The following SUFU variants were observed in gnomAD, a reference collection of about 807,000 sequenced individuals.
SUFU encodes the protein suppressor of fused homolog.
Under a neutral mutation model 58.9 loss-of-function variants are expected in SUFU, and 7 were observed. That is an observed-to-expected ratio of 0.12 (90% CI 0.07 to 0.22). SUFU has a LOEUF of 0.22. SUFU is among the 10% of genes least tolerant of loss of function. SUFU has a pLI of 1.00. For synonymous variants in SUFU, 232 were observed against 254.8 expected, an observed-to-expected ratio of 0.91 and a Z score of 0.85; for missense variants, 451 against 641.3, an observed-to-expected ratio of 0.70 and a Z score of 3.20.
intron 3 of SUFU, among the ~76,000 whole-genome samples, chr10:102,588,981 G>T (rs1265057150): frequency 6.6e-6 from 1 of 151,980 alleles, no homozygotes; most frequent in Admixed American, 6.6e-5. Context: ...GGAATGCAGT[G>T]ATGTGATCAT....
At position 102,619,118 on chromosome 10, in the gene SUFU, C is replaced by G. The variant is rs2063718023; in HGVS notation, c.1296+1690C>G. 9 of 1,612,672 alleles carry G rather than the reference C, an allele frequency of 5.6e-6. No homozygotes were observed. The East Asian group carries it at 1.8e-4, about 32-fold the overall frequency. On this transcript the variant is annotated intron_variant, in intron 10 of 11. Coordinates refer to ENST00000369902, the MANE Select transcript of SUFU (RefSeq NM_016169.4). The surrounding 1 kb of genome is among the most constrained non-coding windows in gnomAD (Gnocchi z 4.2). ...CTCCCGTCCTGGAACGTCTTTCTGCCCTGAGGAGAGGGTAGTCAGCATCTC... is the reference window on the plus strand; with the variant it reads ...CTCCCGTCCTGGAACGTCTTTCTGCGCTGAGGAGAGGGTAGTCAGCATCTC...
intron 2 of SUFU, among the ~76,000 whole-genome samples, chr10:102,540,346 A>G (rs2062784278): frequency 6.6e-6 from 1 of 152,112 alleles, no homozygotes; most frequent in African/African-American, 2.4e-5. Flanking sequence ...TGATACCTCC[A>G]ATTCTAAAGC....
At chr10:102,546,107 CTG>C (rs982212597) in intron 2 of SUFU, among the ~76,000 whole-genome samples, 2 of 152,196 alleles carry the variant, frequency 1.3e-5, no homozygotes, top group African/African-American at 2.4e-5. Context: ...GATGGTCAGG[CTG>C]TTGTGTGTCT....
chr10:102,620,412 C>T lies in SUFU; in HGVS notation c.1296+2984C>T, dbSNP rs185570602. On this transcript the variant is annotated intron_variant, in intron 10 of 11. Coordinates refer to ENST00000369902, the MANE Select transcript of SUFU (RefSeq NM_016169.4). ...CCACACCCACCTGCTCCACAGCCTT[C>T]CCCCATCAGTCCAGACCCAGGAGAG... is the stretch of plus-strand genomic sequence containing the variant. Among the ~76,000 whole-genome samples the T allele has an allele frequency of 8.0e-3, 1,213 of 152,318 alleles. 12 individuals are homozygous for T. The highest frequency in any genetic ancestry group is 0.014 in the South Asian group (66 of 4,830).
At chr10:102,542,194 G>A (rs1314093526) in intron 2 of SUFU, among the ~76,000 whole-genome samples, 18 of 148,906 alleles carry the variant, frequency 1.2e-4, no homozygotes, top group Admixed American at 4.1e-4. Context: ...GTGCAGTGGC[G>A]TGATCTCGGC....
intron 3 of SUFU, among the ~76,000 whole-genome samples, chr10:102,582,190 G>A (rs2063287281): frequency 1.3e-5 from 2 of 152,204 alleles, no homozygotes; most frequent in Admixed American, 6.5e-5. Flanking sequence ...CACAGACCAA[G>A]CATGTTAATT....
intron 1 of SUFU, among the ~76,000 whole-genome samples, chr10:102,507,319 G>A (rs2062339628): frequency 6.6e-6 from 1 of 152,170 alleles, no homozygotes; most frequent in South Asian, 2.1e-4. Flanking sequence ...AGGCTGTAGC[G>A]GGGCAGGTTT....
Position 102,617,460 on chromosome 10 carries a change from C to T in SUFU, c.1296+32C>T, listed in dbSNP as rs776063092. The T allele has an allele frequency of 8.1e-6, 13 of 1,613,996 alleles. No homozygotes were observed. The South Asian group carries it at 1.4e-4, about 18-fold the overall frequency. On this transcript the variant is annotated intron_variant, in intron 10 of 11. Coordinates refer to ENST00000369902, the MANE Select transcript of SUFU (RefSeq NM_016169.4). The surrounding 1 kb of genome is among the most constrained non-coding windows in gnomAD (Gnocchi z 4.4). ...AGGCCCTTTTTCTTCTCCCTCCTTC[C>T]TTTCATAGACTTCCTTGCCCACCCC...
rs1044185315 is a variant in SUFU, at chr10:102,633,086, G to C, written c.*2931G>C. On this transcript the variant is annotated 3_prime_UTR_variant, in exon 12 of 12. Transcript: ENST00000369902. ...GGGGTTTCGGATTGAGTTGCAAGCA[G>C]GGAGAAAACCTGAAGGTCGGTGCCC... 3.9e-5 allele frequency: 9 copies of C among 233,282 alleles called. No homozygotes were observed. Among genetic ancestry groups the C allele is most frequent in the African/African-American group, 1.8e-4 (8 of 45,356 alleles). The allele number at this position is 233,282 out of a possible 1,614,324, so 14.5% of individuals were successfully genotyped here.
chr10:102,532,160 G>A (rs1347178480), intron 2 of SUFU, among the ~76,000 whole-genome samples: 1 of 152,016 alleles, frequency 6.6e-6, no homozygotes, highest in Non-Finnish European at 1.5e-5. Context: ...TAGAAACAGG[G>A]TTTCACCATG....
intron 3 of SUFU, among the ~76,000 whole-genome samples, chr10:102,578,576 C>T (rs1477703493): frequency 7.9e-5 from 12 of 151,786 alleles, no homozygotes; most frequent in Non-Finnish European, 4.4e-5. Flanking sequence ...GTCATGGTGG[C>T]GCGTGCCTAT....
At chr10:102,504,445 A>T in intron 1 of SUFU, 111 bp downstream of exon 1, 1 of 1,531,926 alleles carries the variant, frequency 6.5e-7, no homozygotes, top group South Asian at 1.2e-5. Flanking sequence ...TGGTTAAAGC[A>T]CTCAGAAGGA....
At chr10:102,579,277 C>T (rs2135824632) in intron 3 of SUFU, among the ~76,000 whole-genome samples, 1 of 152,282 alleles carries the variant, frequency 6.6e-6, no homozygotes, top group South Asian at 2.1e-4. Context: ...GTGCCCTGCC[C>T]ATGTGGGCAC....
chr10:102,615,928 C>T (rs2063682341), intron 9 of SUFU, among the ~76,000 whole-genome samples: 1 of 151,712 alleles, frequency 6.6e-6, no homozygotes, highest in African/African-American at 2.4e-5. Flanking sequence ...AGAAGTATTC[C>T]TCAGCCCTGC....
chr10:102,510,896 G>T (rs1176638719), intron 2 of SUFU, among the ~76,000 whole-genome samples: 2 of 151,854 alleles, frequency 1.3e-5, no homozygotes, highest in African/African-American at 4.8e-5. Context: ...CGAGGCAGGC[G>T]GATCACCTGA....
rs1411675466 is a variant in SUFU, at chr10:102,619,074, C to T, written c.1296+1646C>T. 7 of 1,612,616 alleles carry T rather than the reference C, an allele frequency of 4.3e-6. No homozygotes were observed. The highest frequency in any genetic ancestry group is 5.9e-6 in the Non-Finnish European group (7 of 1,179,854). ...ATGTTTGACATCCTCAGCTCTGAAC[C>T]TATCCTCGGAGCTCTGCCCTCCCGT... On this transcript the variant is annotated intron_variant, in intron 10 of 11. Transcript: ENST00000369902. The surrounding 1 kb of genome is among the most constrained non-coding windows in gnomAD (Gnocchi z 4.2).
intron 3 of SUFU, among the ~76,000 whole-genome samples, chr10:102,551,524 G>A (rs2062914748): frequency 6.6e-6 from 1 of 151,726 alleles, no homozygotes; most frequent in Non-Finnish European, 1.5e-5. Context: ...TGTAATCCCA[G>A]CTACTCGGGA....
At chr10:102,587,258 A>C (rs773876675) in intron 3 of SUFU, among the ~76,000 whole-genome samples, 5 of 152,172 alleles carry the variant, frequency 3.3e-5, no homozygotes, top group Non-Finnish European at 5.9e-5. Context: ...TTCTGTGTTT[A>C]AATTTTTTTT....
intron 8 of SUFU, among the ~76,000 whole-genome samples, chr10:102,612,926 G>A (rs779013021): frequency 5.9e-5 from 9 of 152,164 alleles, no homozygotes; most frequent in Admixed American, 2.6e-4. Context: ...GAGGGTTGGC[G>A]CAGAGTAAGG....
Sources: gnomAD v4.1 joint callset for allele counts (sites outside exome capture counted in the v4.1 genomes callset) on GRCh38, gnomAD v4.1.1 for gene constraint, Gnocchi (gnomAD v3.1) non-coding constraint, MANE v1.5 for transcripts, NCBI Gene and HGNC (gene_info 2026-07-23, HGNC 2026-07-21) for gene names.